SLC39A11: variants seen among roughly 807,000 people sequenced by gnomAD.
The protein encoded by SLC39A11 is solute carrier family 39 member 11.
In SLC39A11, 33 loss-of-function variants were observed where a neutral mutation model predicts 36.1. The ratio of observed to expected loss-of-function variants is 0.91; its 90% CI spans 0.69 to 1.22. The LOEUF is 1.22. Among genes scored for constraint, SLC39A11 ranks in the 50% most tolerant of loss-of-function variants. The pLI is 0.00. For synonymous variants in SLC39A11, 166 were observed against 170.3 expected (o/e 0.97, Z 0.20); for missense variants, 432 against 430.3 (o/e 1.00, Z -0.03).
In SLC39A11 at chr17:72,874,597, C is replaced by T. The variant is rs1308990183; in HGVS notation, c.431-24793G>A. On this transcript the variant is annotated intron_variant, in intron 5 of 9. Transcript: ENST00000255559. Reference sequence around the variant, plus strand: ...GCCTGGTATAGGAGCCTGAAGTTATCGGTCCAGAAAGAAAATGCAGGTTCC... The same window carrying T: ...GCCTGGTATAGGAGCCTGAAGTTATTGGTCCAGAAAGAAAATGCAGGTTCC... Among the ~76,000 whole-genome samples, 6 of 152,170 alleles carry T rather than the reference C, an allele frequency of 3.9e-5. 1 individual carries two copies. In the South Asian group the frequency reaches 6.2e-4, roughly 16 times the overall value.
chr17:73,062,461 C>CAA (rs1555698613), intron 3 of SLC39A11, among the ~76,000 whole-genome samples: 2 of 27,840 alleles, frequency 7.2e-5, no homozygotes, highest in African/African-American at 1.4e-4. Context: ...GAGCTTGTCT[C>CAA]AAAAAAAAAA....
chr17:72,723,321 A>AGTGTGTGTGTGTGTGT (rs10570164), intron 7 of SLC39A11, among the ~76,000 whole-genome samples: 1,739 of 148,508 alleles, frequency 0.012, 29 homozygotes, highest in African/African-American at 0.034. Context: ...GGAGTGTAAG[A>AGTGTGTGTGTGTGTGT]GTGTGTGTGT....
chr17:72,760,569 T>C (rs539174283), intron 6 of SLC39A11, among the ~76,000 whole-genome samples: 1 of 152,314 alleles, frequency 6.6e-6, no homozygotes, highest in Admixed American at 6.5e-5. Context: ...TCTCCTACCC[T>C]GAGGAGTGCT....
At chr17:73,062,184 G>A (rs965960310) in intron 3 of SLC39A11, among the ~76,000 whole-genome samples, 1 of 151,830 alleles carries the variant, frequency 6.6e-6, no homozygotes, top group African/African-American at 2.4e-5. Flanking sequence ...ATGAGGCCGG[G>A]CGCAGTAGTT....
chr17:72,758,930 C>A (rs138401181), intron 6 of SLC39A11, among the ~76,000 whole-genome samples: 1 of 152,040 alleles, frequency 6.6e-6, no homozygotes, highest in Non-Finnish European at 1.5e-5. Context: ...ATGGCAAAAC[C>A]CTGTCTCTAC....
intron 3 of SLC39A11, among the ~76,000 whole-genome samples, chr17:73,056,264 GT>G (rs770537617): frequency 6.6e-5 from 10 of 152,216 alleles, no homozygotes; most frequent in Non-Finnish European, 1.3e-4. Flanking sequence ...CACCTCCCTG[GT>G]TCAAGCAATT....
intron 6 of SLC39A11, among the ~76,000 whole-genome samples, chr17:72,805,575 T>C (rs997097362): frequency 1.3e-5 from 2 of 152,160 alleles, no homozygotes; most frequent in Admixed American, 1.3e-4. Flanking sequence ...CTTCCCGCCC[T>C]GGATCAGTGA....
chr17:73,008,418 G>A (rs910358681), intron 4 of SLC39A11, among the ~76,000 whole-genome samples: 3 of 152,184 alleles, frequency 2.0e-5, no homozygotes, highest in South Asian at 2.1e-4. Context: ...TGACCAGGCC[G>A]CTCCCTCTGC....
At chr17:73,048,264 A>T (rs147796054) in intron 3 of SLC39A11, among the ~76,000 whole-genome samples, 16 of 151,890 alleles carry the variant, frequency 1.1e-4, no homozygotes, top group African/African-American at 3.9e-4. Flanking sequence ...CTTAGCTCCC[A>T]TTTATAAGTG....
At chr17:72,790,182 G>A (rs1415814002) in intron 6 of SLC39A11, among the ~76,000 whole-genome samples, 1 of 152,182 alleles carries the variant, frequency 6.6e-6, no homozygotes, top group Non-Finnish European at 1.5e-5. Context: ...ATCATTTAGT[G>A]TTCAATTTCC....
chr17:72,911,573 G>A (rs183062939), intron 5 of SLC39A11, among the ~76,000 whole-genome samples: 82 of 151,956 alleles, frequency 5.4e-4, no homozygotes, highest in Non-Finnish European at 7.5e-4. Flanking sequence ...CCTTCCGCTC[G>A]CCCAGGCAAT....
chr17:72,773,907 G>A (rs1483749280), intron 6 of SLC39A11, among the ~76,000 whole-genome samples: 3 of 152,204 alleles, frequency 2.0e-5, no homozygotes, highest in Non-Finnish European at 2.9e-5. Flanking sequence ...CTGAACTGGT[G>A]GGAGCAGCCT....
intron 4 of SLC39A11, among the ~76,000 whole-genome samples, chr17:73,009,541 C>T (rs1037477018): frequency 2.6e-5 from 4 of 151,650 alleles, no homozygotes; most frequent in Admixed American, 6.6e-5. Context: ...GTTTGCCAGG[C>T]GGTGGAGAGT....
At chr17:72,955,057 C>T (rs2086144966) in intron 4 of SLC39A11, among the ~76,000 whole-genome samples, 1 of 152,116 alleles carries the variant, frequency 6.6e-6, no homozygotes, top group Non-Finnish European at 1.5e-5. Context: ...AGGATTGTAC[C>T]TCTAACTCAG....
intron 7 of SLC39A11, among the ~76,000 whole-genome samples, chr17:72,671,583 T>C (rs1347898848): frequency 1.3e-5 from 2 of 152,064 alleles, no homozygotes; most frequent in South Asian, 4.1e-4. Flanking sequence ...TAGCTAGGCA[T>C]GGTGGTGGAT....
chr17:72,710,876 T>A (rs1164520973), intron 7 of SLC39A11, among the ~76,000 whole-genome samples: 1 of 152,248 alleles, frequency 6.6e-6, no homozygotes, highest in Non-Finnish European at 1.5e-5. Context: ...CAAGTTTTCA[T>A]CATTTTAATG....
chr17:73,039,465 G>C (rs888328037), intron 3 of SLC39A11, among the ~76,000 whole-genome samples: 3 of 152,212 alleles, frequency 2.0e-5, no homozygotes, highest in African/African-American at 7.2e-5. Context: ...TTCAACATTT[G>C]TTGCCTAATC....
At chr17:72,691,417 G>A (rs1480181498) in intron 7 of SLC39A11, among the ~76,000 whole-genome samples, 2 of 152,140 alleles carry the variant, frequency 1.3e-5, no homozygotes, top group Non-Finnish European at 1.5e-5. Context: ...GTTAGCCAGT[G>A]TAATCACCTG....
chr17:72,653,198 G>A lies in SLC39A11; in HGVS notation c.672-3930C>T, dbSNP rs137965536. 5.3e-3 allele frequency among the ~76,000 whole-genome samples: 808 copies of A among 151,672 alleles called. 7 individuals are homozygous for A. Among genetic ancestry groups the A allele is most frequent in the African/African-American group, 0.018 (763 of 41,286 alleles). ...CAGCTCACTGCAGCCTTCACCTCTG[G>A]GGTTCAAGCGATTCTCCTGCTTCAG... On this transcript the variant is annotated intron_variant, in intron 7 of 9. Coordinates refer to ENST00000255559, the MANE Select transcript of SLC39A11 (RefSeq NM_139177.4).
Sources: allele counts gnomAD v4.1 joint callset (sites outside exome capture counted in the v4.1 genomes callset), GRCh38; gene constraint gnomAD v4.1.1; transcripts MANE v1.5; gene names NCBI Gene and HGNC (gene_info 2026-07-23, HGNC 2026-07-21).